The following CADPS2 variants were observed in gnomAD, a reference collection of about 807,000 sequenced individuals.
The protein encoded by CADPS2 is calcium dependent secretion activator 2, also known as calcium-dependent secretion activator 2.
CADPS2 carries 93 observed loss-of-function variants against 172.5 expected under a neutral mutation model. That is an observed-to-expected ratio of 0.54 (90% CI 0.46 to 0.64). The LOEUF (loss-of-function observed/expected upper bound fraction) is 0.64, where lower values mean the gene tolerates loss of function less well. Ranked by LOEUF, CADPS2 falls within the 30% of genes least tolerant of loss-of-function variation. The pLI is 0.00. For synonymous variants in CADPS2, 546 were observed against 555.2 expected (o/e 0.98, Z 0.23); for missense variants, 1,420 against 1,565.9 (o/e 0.91, Z 1.57).
At chr7:122,709,542 C>A (rs977238513) in intron 2 of CADPS2, among the ~76,000 whole-genome samples, 1 of 151,530 alleles carries the variant, frequency 6.6e-6, no homozygotes, top group Admixed American at 6.6e-5. Flanking sequence ...TTTGACCCAG[C>A]CATCCCATTA....
intron 7 of CADPS2, among the ~76,000 whole-genome samples, chr7:122,555,632 T>C (rs2064941853): frequency 6.6e-6 from 1 of 152,142 alleles, no homozygotes; most frequent in South Asian, 2.1e-4. Context: ...TAAAACTATA[T>C]TGAAACATAT....
chr7:122,695,140 T>C (rs1012840447), intron 2 of CADPS2, among the ~76,000 whole-genome samples: 2 of 152,222 alleles, frequency 1.3e-5, no homozygotes, highest in Non-Finnish European at 2.9e-5. Context: ...ATCAATGTAG[T>C]GTGTCCTATA....
At chr7:122,813,179 G>A (rs1800471587) in intron 1 of CADPS2, among the ~76,000 whole-genome samples, 1 of 152,030 alleles carries the variant, frequency 6.6e-6, no homozygotes, top group African/African-American at 2.4e-5. Context: ...AGCTAATTAT[G>A]TCCATCAGTA....
chr7:122,672,670 C>A (rs2081979269), intron 2 of CADPS2, among the ~76,000 whole-genome samples: 1 of 152,324 alleles, frequency 6.6e-6, no homozygotes, highest in East Asian at 1.9e-4. Context: ...CATTCCTCCA[C>A]CCCAGCCTGG....
Position 122,705,779 on chromosome 7 carries a change from T to C in CADPS2, c.453+31176A>G, listed in dbSNP as rs1211090148. On this transcript the variant is annotated intron_variant, in intron 2 of 29. Transcript: ENST00000449022. ...AATATATAATATATGATATATTATA[T>C]AATATATATCATATATAATATAATA... 1.4e-4 allele frequency among the ~76,000 whole-genome samples: 3 copies of C among 20,934 alleles called. 1 individual carries two copies. The highest frequency in any genetic ancestry group is 2.8e-4 in the Non-Finnish European group (3 of 10,860). The allele number at this position is 20,934 out of a possible 152,430, so 13.7% of individuals were successfully genotyped here.
intron 15 of CADPS2, among the ~76,000 whole-genome samples, chr7:122,445,014 T>A (rs902097899): frequency 1.3e-5 from 2 of 152,188 alleles, no homozygotes; most frequent in Non-Finnish European, 2.9e-5. Context: ...GAAAAAAGTA[T>A]ACTTTGCAAA....
At chr7:122,342,305 A>T (rs2036904553) in intron 28 of CADPS2, among the ~76,000 whole-genome samples, 1 of 152,156 alleles carries the variant, frequency 6.6e-6, no homozygotes, top group African/African-American at 2.4e-5. Context: ...TTCCAAAAAC[A>T]ATGGGCACGA....
chr7:122,622,783 G>C (rs888142302), intron 4 of CADPS2, among the ~76,000 whole-genome samples: 2 of 152,134 alleles, frequency 1.3e-5, no homozygotes, highest in Non-Finnish European at 2.9e-5. Flanking sequence ...CTCCAGAAAA[G>C]CACTGCCTTT....
chr7:122,646,199 C>T (rs1051331396), intron 3 of CADPS2, among the ~76,000 whole-genome samples: 2 of 152,048 alleles, frequency 1.3e-5, no homozygotes, highest in Non-Finnish European at 2.9e-5. Flanking sequence ...AGCCATGTCT[C>T]GTCCTCATCT....
At chr7:122,698,678 T>C in intron 2 of CADPS2, 1 of 1,613,998 alleles carries the variant, frequency 6.2e-7, no homozygotes. Context: ...TTTTGGATTT[T>C]TCCCTCTGGT....
intron 23 of CADPS2, among the ~76,000 whole-genome samples, chr7:122,388,274 A>G (rs1355000241): frequency 6.6e-6 from 1 of 152,018 alleles, no homozygotes; most frequent in Non-Finnish European, 1.5e-5. Flanking sequence ...GTCTCAGGAG[A>G]TATTACCTTG....
intron 9 of CADPS2, among the ~76,000 whole-genome samples, chr7:122,498,002 T>C (rs2058887899): frequency 6.6e-6 from 1 of 152,130 alleles, no homozygotes; most frequent in Non-Finnish European, 1.5e-5. Flanking sequence ...GTGGCCCAGG[T>C]TGGAAGGCAG....
intron 11 of CADPS2, 127 bp from the exon 12 acceptor site, chr7:122,480,987 C>G: frequency 1.2e-6 from 1 of 810,366 alleles, no homozygotes. Context: ...AGTTGTTTTT[C>G]TAAAAGACCA....
chr7:122,698,016 A>G (rs2085393847), intron 2 of CADPS2: 2 of 1,613,512 alleles, frequency 1.2e-6, no homozygotes, highest in Non-Finnish European at 1.7e-6. Context: ...CCAAAACTTT[A>G]AGAATATCAC....
chr7:122,583,140 C>T (rs1043295456), intron 6 of CADPS2, among the ~76,000 whole-genome samples: 2 of 151,706 alleles, frequency 1.3e-5, no homozygotes, highest in East Asian at 3.9e-4. Flanking sequence ...CTATCTTTTA[C>T]CTTTGATCCT....
intron 3 of CADPS2, among the ~76,000 whole-genome samples, chr7:122,647,783 A>C (rs1364297340): frequency 3.9e-5 from 6 of 152,214 alleles, no homozygotes; most frequent in African/African-American, 1.4e-4. Context: ...AAGCTGTGCT[A>C]ATCAGAACAA....
intron 1 of CADPS2, among the ~76,000 whole-genome samples, chr7:122,831,429 C>T (rs1162802080): frequency 6.6e-6 from 1 of 152,166 alleles, no homozygotes; most frequent in African/African-American, 2.4e-5. Flanking sequence ...ATGGAAATTC[C>T]CATCAGAACT....
At chr7:122,750,899 T>A (rs1027445563) in intron 1 of CADPS2, among the ~76,000 whole-genome samples, 1 of 152,160 alleles carries the variant, frequency 6.6e-6, no homozygotes, top group Non-Finnish European at 1.5e-5. Flanking sequence ...AATTATGAGT[T>A]AAGAAATCTA....
intron 8 of CADPS2, among the ~76,000 whole-genome samples, chr7:122,535,960 G>C (rs879625335): frequency 9.9e-5 from 15 of 152,200 alleles, no homozygotes; most frequent in Admixed American, 2.6e-4. Context: ...CTACCCAACT[G>C]AACTAAGTGG....
Sources: gnomAD v4.1 joint callset for allele counts (sites outside exome capture counted in the v4.1 genomes callset) on GRCh38, gnomAD v4.1.1 for gene constraint, MANE v1.5 for transcripts, NCBI Gene and HGNC (gene_info 2026-07-23, HGNC 2026-07-21) for gene names.